TAS2R38: variants seen among roughly 807,000 people sequenced by gnomAD.
The protein encoded by TAS2R38 is taste receptor type 2 member 38.
A neutral mutation model predicts 16.4 loss-of-function variants in TAS2R38; 11 were observed. That is an observed-to-expected ratio of 0.67 (90% CI 0.42 to 1.11). The LOEUF (loss-of-function observed/expected upper bound fraction) is 1.11. Among genes scored for constraint, TAS2R38 ranks in the 50% least tolerant of loss-of-function variants. The pLI is 0.00. For synonymous variants in TAS2R38, 149 were observed against 155.6 expected (o/e 0.96, Z 0.32); for missense variants, 364 against 395.8 (o/e 0.92, Z 0.68).
At position 141,973,765 on chromosome 7, in the gene TAS2R38, G is replaced by T; in HGVS notation, c.-76C>A. The T allele has an allele frequency of 1.3e-6, 2 of 1,507,142 alleles. No homozygotes were observed. The highest frequency in any genetic ancestry group is 1.8e-6 in the Non-Finnish European group (2 of 1,108,574). The allele number at this position is 1,507,142 out of a possible 1,614,324, so 93.4% of individuals were successfully genotyped here. A position where few individuals can be genotyped will look rare whatever the true frequency, so the allele number is the denominator to read the frequency against. The stretch of plus-strand genomic sequence containing the variant: ...TCTAAAGACCTGGTTGCCACCCAGT[G>T]CAGAAAGGTAAATGTACGTTCCAAG... On this transcript the variant is annotated 5_prime_UTR_variant, in exon 1 of 1. Transcript: ENST00000547270.
rs1803397041 is a variant in TAS2R38, at chr7:141,973,114, A to G, written c.576T>C (p.Phe192=). 5 of 1,614,140 alleles carry G rather than the reference A, an allele frequency of 3.1e-6. No homozygotes were observed. The highest frequency in any genetic ancestry group is 4.2e-6 in the Non-Finnish European group (5 of 1,180,030). ...LNWQIKDLNL[F]YSFLFCYLWS... is the part of the protein sequence containing the mutation. ...ACAGATAGCAGAAGAGAAAGGAATA[A>G]AATAAATTGAGATCTTTAATCTGCC... Residue 192 remains phenylalanine, a synonymous_variant, in exon 1 of 1, where the codon TTT becomes TTC. Transcript: ENST00000547270.
At position 141,973,083 on chromosome 7, in the gene TAS2R38, C is replaced by G; in HGVS notation, c.607G>C (p.Val203Leu). ...ACCAGAAACAATAGGAAAGGAGGCA[C>G]AGACCACAGATAGCAGAAGAGAAAG... ...YSFLFCYLWS[V>L]PPFLLFLVSS... The change falls in exon 1 of 1, where the codon GTG becomes CTG. Residue 203 changes from valine to leucine, a missense_variant. Coordinates refer to ENST00000547270, the MANE Select transcript of TAS2R38 (RefSeq NM_176817.5). 1 of 1,614,038 alleles carries G rather than the reference C, an allele frequency of 6.2e-7. No homozygotes were observed. Among genetic ancestry groups the G allele is most frequent in the Non-Finnish European group, 8.5e-7 (1 of 1,180,018 alleles).
rs1554444324 is a variant in TAS2R38 at position 141,972,750 on chromosome 7, A to G, written c.940T>C (p.Trp314Arg). 6.2e-7 allele frequency: 1 copy of G among 1,614,140 alleles called. No individual in the cohort carries two copies. Among genetic ancestry groups the G allele is most frequent in the South Asian group, 1.1e-5 (1 of 91,080 alleles). Residue 314 changes from tryptophan to arginine, a missense_variant, in exon 1 of 1, where the codon TGG (tryptophan) becomes CGG (arginine). By Grantham distance (101) the Trp-to-Arg change is moderately radical. Transcript: ENST00000547270. ...CTTACCTTCAGGCTGCTCTGAGCCC[A>G]GAGCAGAATGGTCATCACAGCTCTC... ...LRRAVMTILL[W>R]AQSSLKVRAD...
At position 141,972,839 on chromosome 7, in the gene TAS2R38, C is replaced by T. The variant is rs550093294; in HGVS notation, c.851G>A (p.Gly284Glu). The part of the protein sequence containing the change: ...RDKIGVMVCV[G>E]IMAACPSGHA... ...CCCAGAGGGACAAGCTGCCATTATC[C>T]CAACACAAACCATCACCCCTATTTT... Residue 284 changes from glycine (G) to glutamate (E), a missense_variant, in exon 1 of 1, where the codon GGG becomes GAG. Transcript: ENST00000547270. 1.9e-6 allele frequency: 3 copies of T among 1,614,098 alleles called. No individual in the cohort carries two copies. The highest frequency in any genetic ancestry group is 1.3e-5 in the African/African-American group (1 of 74,990).
In TAS2R38 at chr7:141,972,976, G is replaced by T. The variant is rs370024217; in HGVS notation, c.714C>A (p.Ser238Arg). 1.2e-5 allele frequency: 19 copies of T among 1,614,038 alleles called. No individual in the cohort carries two copies. The highest frequency in any genetic ancestry group is 3.3e-5 in the South Asian group (3 of 91,078). ...TGAGGGCTTTAATGTGGGCCTCCAG[G>T]CTGGGGTCACGAGAGTTTCTGGTAT... is the stretch of plus-strand genomic sequence containing the variant. Reference protein sequence around the residue: ...KVYTRNSRDPSLEAHIKALKS... With the variant: ...KVYTRNSRDPRLEAHIKALKS... The change falls in exon 1 of 1, where the codon AGC becomes AGA. Residue 238 changes from serine (S) to arginine (R), a missense_variant. Transcript: ENST00000547270.
At position 141,973,210 on chromosome 7, in the gene TAS2R38, C is replaced by T; in HGVS notation, c.480G>A (p.Trp160Ter). The change falls in exon 1 of 1, where the codon TGG becomes TGA. Residue 160 changes from tryptophan (W) to a stop codon, truncating the protein, a stop_gained. Coordinates refer to ENST00000547270, the MANE Select transcript of TAS2R38 (RefSeq NM_176817.5). LOFTEE classifies it high-confidence loss of function. ...TGAAGTGAGGTCTGCTAAAAAAGCA[C>T]CAAACACAGAGGACAGTGCAGATGC... ...CSCICTVLCV[W>*]CFFSRPHFTV... The T allele has an allele frequency of 6.2e-7, 1 of 1,614,062 alleles. No homozygotes were observed. Among genetic ancestry groups the T allele is most frequent in the Non-Finnish European group, 8.5e-7 (1 of 1,180,014 alleles).
rs782210745 is a variant in TAS2R38, at chr7:141,973,422, G to C, written c.268C>G (p.His90Asp). 40 of 1,614,076 alleles carry C rather than the reference G, an allele frequency of 2.5e-5. No individual in the cohort carries two copies. The highest frequency in any genetic ancestry group is 3.4e-5 in the Non-Finnish European group (40 of 1,180,022). Reference sequence around the variant, plus strand: ...AGCATGATGATGGCTTGGTAGCTGTGGTTCAGTGGTTCACTCAACTTCTGG... The same window carrying C: ...AGCATGATGATGGCTTGGTAGCTGTCGTTCAGTGGTTCACTCAACTTCTGG... Reference protein sequence around the residue: ...HFQKLSEPLNHSYQAIIMLWM... With the variant: ...HFQKLSEPLNDSYQAIIMLWM... The change falls in exon 1 of 1, where the codon CAC becomes GAC. Residue 90 changes from histidine (H) to aspartate (D), a missense_variant. His to Asp is a moderately conservative substitution (Grantham distance 81). Coordinates refer to ENST00000547270, the MANE Select transcript of TAS2R38 (RefSeq NM_176817.5).
Position 141,973,235 on chromosome 7 carries a change from C to T in TAS2R38, c.455G>A (p.Cys152Tyr), listed in dbSNP as rs1039634678. The stretch of plus-strand genomic sequence containing the variant: ...CCAAACACAGAGGACAGTGCAGATG[C>T]AGGAGCAAAGAATAATACCCAGGAG... ...QMLLGIILCS[C>Y]ICTVLCVWCF... is the part of the protein sequence containing the mutation. The change falls in exon 1 of 1, where the codon TGC (cysteine) becomes TAC (tyrosine). Residue 152 changes from cysteine to tyrosine, a missense_variant. Physicochemically the swap from Cys to Tyr is radical, Grantham distance 194. Transcript: ENST00000547270. 38 of 1,613,928 alleles carry T rather than the reference C, an allele frequency of 2.4e-5. No homozygotes were observed. In the African/African-American group the frequency reaches 4.7e-4, roughly 20 times the overall value.
rs1038177109 is a variant in TAS2R38 at position 141,972,645 on chromosome 7, G to A, written c.*43C>T. The A allele has an allele frequency of 2.0e-6, 3 of 1,534,378 alleles. No individual in the cohort carries two copies. The highest frequency in any genetic ancestry group is 2.6e-6 in the Non-Finnish European group (3 of 1,142,214). ...GAAGAATCAGAGGCATATTTATGAAGACTCACAGGCGTATTAATGAAGAGC... is the reference window on the plus strand; with the variant it reads ...GAAGAATCAGAGGCATATTTATGAAAACTCACAGGCGTATTAATGAAGAGC... On this transcript the variant is annotated 3_prime_UTR_variant, in exon 1 of 1. Transcript: ENST00000547270.
chr7:141,973,507 G>A lies in TAS2R38; in HGVS notation c.183C>T (p.Ser61=). ...GTCCATGCAGGAAAAGCCGGCTGAT[G>A]CTGAGACACAGCAGCACACAATCAC... ...SNSDCVLLCL[S]ISRLFLHGLL... Residue 61 remains serine (S), a synonymous_variant, in exon 1 of 1, where the codon AGC becomes AGT. Coordinates refer to ENST00000547270, the MANE Select transcript of TAS2R38 (RefSeq NM_176817.5). The A allele has an allele frequency of 6.2e-7, 1 of 1,614,120 alleles. No homozygotes were observed.
chr7:141,972,782 T>C lies in TAS2R38; in HGVS notation c.908A>G (p.Lys303Arg). 3 of 1,614,040 alleles carry C rather than the reference T, an allele frequency of 1.9e-6. No individual in the cohort carries two copies. The highest frequency in any genetic ancestry group is 2.2e-5 in the South Asian group (2 of 91,078). The change falls in exon 1 of 1, where the codon AAG becomes AGG. Residue 303 changes from lysine to arginine, a missense_variant. By Grantham distance (26) the Lys-to-Arg change is conservative (BLOSUM62 2). Coordinates refer to ENST00000547270, the MANE Select transcript of TAS2R38 (RefSeq NM_176817.5). The stretch of plus-strand genomic sequence containing the variant: ...AATGGTCATCACAGCTCTCCTCAAC[T>C]TGGCATTGCCTGAGATCAGGATGGC... ...HAAILISGNA[K>R]LRRAVMTILL...
Position 141,973,495 on chromosome 7 carries a change from A to G in TAS2R38, c.195T>C (p.Leu65=). 6.2e-7 allele frequency: 1 copy of G among 1,614,138 alleles called. No homozygotes were observed. Among genetic ancestry groups the G allele is most frequent in the Non-Finnish European group, 8.5e-7 (1 of 1,180,020 alleles). The change falls in exon 1 of 1, where the codon CTT becomes CTC. Residue 65 remains leucine (L), a synonymous_variant. Coordinates refer to ENST00000547270, the MANE Select transcript of TAS2R38 (RefSeq NM_176817.5). ...CVLLCLSISR[L]FLHGLLFLSA... is the part of the protein sequence containing the mutation. ...TCAGGAACAGCAGTCCATGCAGGAA[A>G]AGCCGGCTGATGCTGAGACACAGCA...
chr7:141,972,967 G>T lies in TAS2R38; in HGVS notation c.723C>A (p.Ala241=). The change falls in exon 1 of 1, where the codon GCC becomes GCA. Residue 241 remains alanine (A), a synonymous_variant. Coordinates refer to ENST00000547270, the MANE Select transcript of TAS2R38 (RefSeq NM_176817.5). The part of the protein sequence containing the change: ...TRNSRDPSLE[A]HIKALKSLVS... The stretch of plus-strand genomic sequence containing the variant: ...CAAGAGACTTGAGGGCTTTAATGTG[G>T]GCCTCCAGGCTGGGGTCACGAGAGT... 6.2e-7 allele frequency: 1 copy of T among 1,614,090 alleles called. No homozygotes were observed. Among genetic ancestry groups the T allele is most frequent in the Non-Finnish European group, 8.5e-7 (1 of 1,180,024 alleles).
chr7:141,973,519 C>T lies in TAS2R38; in HGVS notation c.171G>A (p.Leu57=). Reference sequence around the variant, plus strand: ...AAAGCCGGCTGATGCTGAGACACAGCAGCACACAATCACTGTTGCTCAGTG... The same window carrying T: ...AAAGCCGGCTGATGCTGAGACACAGTAGCACACAATCACTGTTGCTCAGTG... ...RQALSNSDCV[L]LCLSISRLFL... Residue 57 remains leucine, a synonymous_variant, in exon 1 of 1, where the codon CTG becomes CTA. Transcript: ENST00000547270. 6.2e-7 allele frequency: 1 copy of T among 1,614,124 alleles called. No individual in the cohort carries two copies. The highest frequency in any genetic ancestry group is 2.2e-5 in the East Asian group (1 of 44,872).
rs782493263 is a variant in TAS2R38, at chr7:141,972,956, G to C, written c.734C>G (p.Ala245Gly). Reference sequence around the variant, plus strand: ...GAAAAAGGAGACAAGAGACTTGAGGGCTTTAATGTGGGCCTCCAGGCTGGG... The same window carrying C: ...GAAAAAGGAGACAAGAGACTTGAGGCCTTTAATGTGGGCCTCCAGGCTGGG... ...RDPSLEAHIK[A>G]LKSLVSFFCF... The change falls in exon 1 of 1, where the codon GCC becomes GGC. Residue 245 changes from alanine to glycine, a missense_variant. Ala to Gly is a moderately conservative substitution (Grantham distance 60). Coordinates refer to ENST00000547270, the MANE Select transcript of TAS2R38 (RefSeq NM_176817.5). 2.5e-6 allele frequency: 4 copies of C among 1,614,092 alleles called. No individual in the cohort carries two copies. Among genetic ancestry groups the C allele is most frequent in the Non-Finnish European group, 3.4e-6 (4 of 1,180,026 alleles).
Position 141,973,635 on chromosome 7 carries a change from G to T in TAS2R38, c.55C>A (p.Leu19Met). 1 of 1,614,118 alleles carries T rather than the reference G, an allele frequency of 6.2e-7. No homozygotes were observed. Among genetic ancestry groups the T allele is most frequent in the Non-Finnish European group, 8.5e-7 (1 of 1,180,008 alleles). ...TVSYEVRSTF[L>M]FISVLEFAVG... is the part of the protein sequence containing the mutation. ...GCAAACTCCAGGACTGAAATGAACA[G>T]AAATGTACTCCTGACTTCATAGGAC... is the stretch of plus-strand genomic sequence containing the variant. Residue 19 changes from leucine to methionine, a missense_variant, in exon 1 of 1, where the codon CTG becomes ATG. Leu to Met is a conservative substitution (Grantham distance 15, BLOSUM62 2). Coordinates refer to ENST00000547270, the MANE Select transcript of TAS2R38 (RefSeq NM_176817.5).
Position 141,973,083 on chromosome 7 carries a change from C to T in TAS2R38, c.607G>A (p.Val203Met). 6.2e-7 allele frequency: 1 copy of T among 1,614,038 alleles called. No individual in the cohort carries two copies. Among genetic ancestry groups the T allele is most frequent in the Non-Finnish European group, 8.5e-7 (1 of 1,180,018 alleles). ...ACCAGAAACAATAGGAAAGGAGGCA[C>T]AGACCACAGATAGCAGAAGAGAAAG... ...YSFLFCYLWSVPPFLLFLVSS... is the reference protein window; with the variant it reads ...YSFLFCYLWSMPPFLLFLVSS... The change falls in exon 1 of 1, where the codon GTG (valine) becomes ATG (methionine). Residue 203 changes from valine to methionine, a missense_variant. Val to Met is a conservative substitution (Grantham distance 21, BLOSUM62 1). Transcript: ENST00000547270.
In TAS2R38 at chr7:141,972,998, G is replaced by GT; in HGVS notation, c.691dup (p.Thr231AsnfsTer6). 2.5e-6 allele frequency: 4 copies of GT among 1,614,120 alleles called. No individual in the cohort carries two copies. The highest frequency in any genetic ancestry group is 3.4e-6 in the Non-Finnish European group (4 of 1,180,018). On this transcript the variant is annotated frameshift_variant, in exon 1 of 1. Transcript: ENST00000547270. LOFTEE classifies it high-confidence loss of function. ...CAGGCTGGGGTCACGAGAGTTTCTG[G>GT]TATAGACCTTCATTGTCCTCATGTG...
In TAS2R38 at chr7:141,973,604, C is replaced by G. The variant is rs781965322; in HGVS notation, c.86G>C (p.Gly29Ala). The G allele has an allele frequency of 9.9e-5, 159 of 1,613,930 alleles. No homozygotes were observed. Among genetic ancestry groups the G allele is most frequent in the Non-Finnish European group, 1.3e-4 (155 of 1,180,016 alleles). The change falls in exon 1 of 1, where the codon GGG becomes GCG. Residue 29 changes from glycine (G) to alanine (A), a missense_variant. Physicochemically the swap from Gly to Ala is moderately conservative, Grantham distance 60 (BLOSUM62 0). Transcript: ENST00000547270. ...GAAAACGAAGGCATTGGTCAGAAAC[C>G]CCACTGCAAACTCCAGGACTGAAAT... ...LFISVLEFAV[G>A]FLTNAFVFLV...
Sources: gnomAD v4.1 joint callset for allele counts on GRCh38, gnomAD v4.1.1 for gene constraint, MANE v1.5 for transcripts, NCBI Gene and HGNC (gene_info 2026-07-23, HGNC 2026-07-21) for gene names.